The following MAGI2 variants were observed in gnomAD, a reference collection of about 807,000 sequenced individuals.
The protein encoded by MAGI2 is membrane associated guanylate kinase, WW and PDZ domain containing 2.
In MAGI2, 35 loss-of-function variants were observed where a neutral mutation model predicts 133.3. The ratio of observed to expected loss-of-function variants is 0.26; its 90% CI spans 0.20 to 0.35. MAGI2 has a LOEUF of 0.35. Ranked by LOEUF, MAGI2 falls within the 10% of genes least tolerant of loss-of-function variation. MAGI2 has a pLI of 1.00. For synonymous variants in MAGI2, 729 were observed against 710.6 expected, an observed-to-expected ratio of 1.03 and a Z score of -0.41; for missense variants, 1,636 against 1,863.4, an observed-to-expected ratio of 0.88 and a Z score of 2.25.
intron 2 of MAGI2, among the ~76,000 whole-genome samples, chr7:78,681,930 T>C (rs985548583): frequency 2.6e-5 from 4 of 152,130 alleles, no homozygotes; most frequent in Non-Finnish European, 5.9e-5. Context: ...CTTACTGCAA[T>C]GGTGAAGATG....
At chr7:78,311,983 T>A (rs541912174) in intron 9 of MAGI2, among the ~76,000 whole-genome samples, 64 of 152,056 alleles carry the variant, frequency 4.2e-4, no homozygotes, top group African/African-American at 1.4e-3. Context: ...GTTGGCCAGG[T>A]TGGTCTCCAA....
At chr7:78,652,527 GTT>G (rs1330880837) in intron 2 of MAGI2, among the ~76,000 whole-genome samples, 1 of 151,992 alleles carries the variant, frequency 6.6e-6, no homozygotes, top group Non-Finnish European at 1.5e-5. Context: ...TGGGGAAAGG[GTT>G]TCCTATTTAA....
intron 1 of MAGI2, among the ~76,000 whole-genome samples, chr7:79,061,837 T>C (rs1223563206): frequency 6.6e-6 from 1 of 152,082 alleles, no homozygotes; most frequent in African/African-American, 2.4e-5. Flanking sequence ...GAAGGGGTGG[T>C]GGTATGGAAA....
intron 6 of MAGI2, among the ~76,000 whole-genome samples, chr7:78,374,001 G>T (rs1194810279): frequency 6.6e-6 from 1 of 152,128 alleles, no homozygotes; most frequent in African/African-American, 2.4e-5. Context: ...ATCCACCATT[G>T]TTGGACACCT....
In MAGI2 at chr7:78,690,245, G is replaced by A. The variant is rs76856597; in HGVS notation, c.419-63006C>T. Among the ~76,000 whole-genome samples, 1,245 of 152,180 alleles carry A rather than the reference G, an allele frequency of 8.2e-3. 8 individuals are homozygous for A. The highest frequency in any genetic ancestry group is 9.5e-3 in the Non-Finnish European group (643 of 68,008). On this transcript the variant is annotated intron_variant, in intron 2 of 21. Transcript: ENST00000354212. ...TCATTCATTCAAAGACACACTTAGC[G>A]AATGTGCTAACCACACTGCTCACAA...
chr7:78,698,524 T>C (rs1817740586), intron 2 of MAGI2, among the ~76,000 whole-genome samples: 1 of 152,238 alleles, frequency 6.6e-6, no homozygotes, highest in South Asian at 2.1e-4. Context: ...CATTAGGAAC[T>C]TATGTGTCGG....
intron 12 of MAGI2, among the ~76,000 whole-genome samples, chr7:78,193,695 G>A (rs574686066): frequency 6.6e-6 from 1 of 151,820 alleles, no homozygotes; most frequent in African/African-American, 2.4e-5. Flanking sequence ...TATTTCATTT[G>A]TTCATCCAGA....
rs988557174 is a variant in MAGI2 at position 78,160,175 on chromosome 7, C to T, written c.2695G>A (p.Ala899Thr). The T allele has an allele frequency of 8.7e-6, 14 of 1,612,612 alleles. No homozygotes were observed. Among genetic ancestry groups the T allele is most frequent in the South Asian group, 1.1e-5 (1 of 90,514 alleles). ...DYATYTNSNHAAPSSNASPPE... is the reference protein window; with the variant it reads ...DYATYTNSNHTAPSSNASPPE... ...GGAGAGGCATTGCTACTGGGGGCAG[C>T]GTGGTTGCTGTTGGTGTAGGTTGCG... is the stretch of plus-strand genomic sequence containing the variant. The change falls in exon 16 of 22, where the codon GCT (alanine) becomes ACT (threonine). Residue 899 changes from alanine (A) to threonine (T), a missense_variant. Ala to Thr is a moderately conservative substitution (Grantham distance 58). This residue lies in a region of MAGI2 where 920 missense variants were observed against 1,093.5 expected (regional missense o/e 0.84). Coordinates refer to ENST00000354212, the MANE Select transcript of MAGI2 (RefSeq NM_012301.4).
chr7:79,083,320 C>A (rs79084051), intron 1 of MAGI2, among the ~76,000 whole-genome samples: 1 of 117,898 alleles, frequency 8.5e-6, no homozygotes, highest in African/African-American at 3.1e-5. Context: ...TTTTTTTTTT[C>A]ATAGATGGGC....
chr7:78,961,562 G>A (rs907349391), intron 2 of MAGI2, among the ~76,000 whole-genome samples: 1 of 152,120 alleles, frequency 6.6e-6, no homozygotes, highest in African/African-American at 2.4e-5. Flanking sequence ...TTATGTGGAT[G>A]TGCACATAGA....
chr7:79,253,130 A>G (rs1833438504), intron 1 of MAGI2, among the ~76,000 whole-genome samples: 1 of 152,218 alleles, frequency 6.6e-6, no homozygotes, highest in Non-Finnish European at 1.5e-5. Context: ...GAAGCATACA[A>G]TTCGTACAAA....
intron 2 of MAGI2, among the ~76,000 whole-genome samples, chr7:78,977,351 G>T (rs1422707275): frequency 6.6e-6 from 1 of 151,010 alleles, no homozygotes; most frequent in Admixed American, 6.6e-5. Flanking sequence ...TCCAACAAAT[G>T]GTACAGGAAC....
At chr7:79,177,615 C>A (rs952695633) in intron 1 of MAGI2, among the ~76,000 whole-genome samples, 1 of 151,934 alleles carries the variant, frequency 6.6e-6, no homozygotes, top group Admixed American at 6.6e-5. Context: ...ATGCACTCAG[C>A]AAAAGTCTAC....
intron 2 of MAGI2, among the ~76,000 whole-genome samples, chr7:78,923,868 A>C (rs139807120): frequency 0.043 from 6,471 of 151,936 alleles, 205 homozygotes; most frequent in Non-Finnish European, 0.065. Flanking sequence ...CTTTTATTTC[A>C]TTGAGCAGTG....
intron 9 of MAGI2, among the ~76,000 whole-genome samples, chr7:78,320,655 CA>C (rs1233642491): frequency 6.6e-6 from 1 of 152,136 alleles, no homozygotes; most frequent in Non-Finnish European, 1.5e-5. Flanking sequence ...GACAAACACA[CA>C]GTCAATATCA....
chr7:78,996,315 G>C (rs1352363760), intron 2 of MAGI2, among the ~76,000 whole-genome samples: 1 of 152,162 alleles, frequency 6.6e-6, no homozygotes, highest in Middle Eastern at 3.2e-3. Flanking sequence ...CTAAACTGTT[G>C]AGCTATCAAG....
At chr7:78,339,899 A>G (rs1056144069) in intron 9 of MAGI2, among the ~76,000 whole-genome samples, 1 of 152,232 alleles carries the variant, frequency 6.6e-6, no homozygotes, top group South Asian at 2.1e-4. Context: ...TTACTCACAA[A>G]TGAGTGGCAG....
At chr7:79,017,948 G>C (rs1808902347) in intron 1 of MAGI2, among the ~76,000 whole-genome samples, 1 of 152,118 alleles carries the variant, frequency 6.6e-6, no homozygotes, top group Non-Finnish European at 1.5e-5. Flanking sequence ...AAGAGACCCA[G>C]TCTATGACTT....
At chr7:78,703,957 A>C (rs1818342613) in intron 2 of MAGI2, among the ~76,000 whole-genome samples, 1 of 152,096 alleles carries the variant, frequency 6.6e-6, no homozygotes. Flanking sequence ...TAAAACCTGA[A>C]ACTATCAAAA....
Sources: allele counts gnomAD v4.1 joint callset (sites outside exome capture counted in the v4.1 genomes callset), GRCh38; gene constraint gnomAD v4.1.1; regional missense constraint gnomAD v4.1.1; transcripts MANE v1.5; gene names NCBI Gene and HGNC (gene_info 2026-07-23, HGNC 2026-07-21).